The following VPS13B variants were observed in gnomAD, a reference collection of about 807,000 sequenced individuals.
VPS13B encodes vacuolar protein sorting 13 homolog B.
A neutral mutation model predicts 426.4 loss-of-function variants in VPS13B; 285 were observed. The observed-to-expected ratio is 0.67, with a 90% CI of 0.61 to 0.74. The LOEUF is 0.74. Among genes scored for constraint, VPS13B ranks in the 30% least tolerant of loss-of-function variants. The probability of loss-of-function intolerance (pLI) is 0.00; values close to 1 mark genes in which losing one functional copy is unlikely to be tolerated. For synonymous variants in VPS13B, 1,676 were observed against 1,676.4 expected (o/e 1.00, Z 0.01); for missense variants, 4,537 against 4,782.6 (o/e 0.95, Z 1.51).
chr8:99,627,395 A>G (rs1398525229), intron 33 of VPS13B, among the ~76,000 whole-genome samples: 1 of 152,096 alleles, frequency 6.6e-6, no homozygotes, highest in African/African-American at 2.4e-5. Flanking sequence ...TAATCATGCC[A>G]CATTTTATTT....
At chr8:99,739,765 A>T (rs1198387423) in intron 39 of VPS13B, among the ~76,000 whole-genome samples, 1 of 152,222 alleles carries the variant, frequency 6.6e-6, no homozygotes, top group Non-Finnish European at 1.5e-5. Flanking sequence ...GAGGGTCCTG[A>T]CTGTTAGAAG....
chr8:99,832,495 T>A lies in VPS13B; in HGVS notation c.9457T>A (p.Ser3153Thr). The change falls in exon 52 of 62, where the codon TCC becomes ACC. Residue 3153 changes from serine to threonine, a missense_variant. Physicochemically the swap from Ser to Thr is moderately conservative, Grantham distance 58 (BLOSUM62 1). Around this residue, in one of 2 missense-constraint regions of VPS13B, gnomAD observed 4,311 missense variants for 4,474.3 expected, o/e 0.96. Transcript: ENST00000357162. ...CATCAGTCAGTCAGTACTGGATGCA[T>A]CCCTGCTTCAGAAACAGATCATGCT... is the stretch of plus-strand genomic sequence containing the variant. ...PDISQSVLDA[S>T]LLQKQIMLGF... is the part of the protein sequence containing the mutation. 1 of 1,613,764 alleles carries A rather than the reference T, an allele frequency of 6.2e-7. No homozygotes were observed.
At chr8:99,562,151 T>TGGTA (rs1824957500) in intron 31 of VPS13B, among the ~76,000 whole-genome samples, 1 of 152,158 alleles carries the variant, frequency 6.6e-6, no homozygotes, top group South Asian at 2.1e-4. Context: ...GGGTGTGAGG[T>TGGTA]GGTACATCAT....
At chr8:99,136,622 C>A in intron 11 of VPS13B, 43 bp from the exon 12 acceptor site, 2 of 1,606,392 alleles carry the variant, frequency 1.2e-6, no homozygotes, top group South Asian at 1.1e-5. Flanking sequence ...TCAAAAGTTT[C>A]TTTTATACAA....
intron 19 of VPS13B, among the ~76,000 whole-genome samples, chr8:99,285,221 A>G (rs552820404): frequency 2.6e-5 from 4 of 152,246 alleles, no homozygotes; most frequent in Admixed American, 6.5e-5. Flanking sequence ...CCTGGACGCT[A>G]TGATGTTAGG....
chr8:99,393,010 A>G (rs1443868145), intron 21 of VPS13B, among the ~76,000 whole-genome samples: 1 of 152,088 alleles, frequency 6.6e-6, no homozygotes, highest in Non-Finnish European at 1.5e-5. Context: ...TTTATAATTG[A>G]GCTGTTAATT....
chr8:99,063,176 G>A (rs1844285926), intron 3 of VPS13B, among the ~76,000 whole-genome samples: 1 of 152,208 alleles, frequency 6.6e-6, no homozygotes. Context: ...GGTGATTTCT[G>A]CATTTCCAAC....
chr8:99,375,463 G>A (rs1813430428), intron 19 of VPS13B, among the ~76,000 whole-genome samples: 1 of 152,122 alleles, frequency 6.6e-6, no homozygotes, highest in African/African-American at 2.4e-5. Context: ...GAAGTAATGA[G>A]CTACCATACG....
chr8:99,111,357 TAAC>T (rs1471847753), intron 6 of VPS13B, 78 bp downstream of exon 6: 2 of 1,218,118 alleles, frequency 1.6e-6, no homozygotes, highest in East Asian at 2.4e-5. Context: ...TAATCATTAT[TAAC>T]AAATGAAGAA....
At position 99,818,498 on chromosome 8, in the gene VPS13B, G is replaced by C. The variant is rs1354079127; in HGVS notation, c.8409G>C (p.Leu2803Phe). Residue 2803 changes from leucine (L) to phenylalanine (F), a missense_variant, in exon 46 of 62, where the codon TTG becomes TTC. Transcript: ENST00000357162. ...TTATTTATGTCTGGTGCACAGTTTT[G>C]ACTTTAGAACCCAACTCTCAAGTGC... ...SSIIYVWCTVLTLEPNSQVQQ... is the reference protein window; with the variant it reads ...SSIIYVWCTVFTLEPNSQVQQ... The C allele has an allele frequency of 6.2e-7, 1 of 1,613,836 alleles. No individual in the cohort carries two copies. Among genetic ancestry groups the C allele is most frequent in the African/African-American group, 1.3e-5 (1 of 74,888 alleles).
At chr8:99,340,090 C>T (rs1811155736) in intron 19 of VPS13B, among the ~76,000 whole-genome samples, 1 of 152,126 alleles carries the variant, frequency 6.6e-6, no homozygotes, top group Non-Finnish European at 1.5e-5. Context: ...AGTATCTTGT[C>T]AGAGCACTTT....
At chr8:99,586,784 A>C (rs1216865600) in intron 33 of VPS13B, among the ~76,000 whole-genome samples, 1 of 152,146 alleles carries the variant, frequency 6.6e-6, no homozygotes, top group African/African-American at 2.4e-5. Flanking sequence ...ATTGAATGCT[A>C]TTCCCATTAA....
chr8:99,242,429 AT>A (rs1279457920), intron 17 of VPS13B, among the ~76,000 whole-genome samples: 1 of 152,148 alleles, frequency 6.6e-6, no homozygotes, highest in African/African-American at 2.4e-5. Flanking sequence ...GAATGGTTAT[AT>A]TTGTTTTTGT....
At chr8:99,533,479 A>G (rs1345272179) in intron 30 of VPS13B, among the ~76,000 whole-genome samples, 2 of 152,168 alleles carry the variant, frequency 1.3e-5, no homozygotes, top group East Asian at 1.9e-4. Flanking sequence ...CTGACTTTTC[A>G]TAGGGTTAAT....
chr8:99,640,026 A>G (rs1198355859), intron 33 of VPS13B, among the ~76,000 whole-genome samples: 2 of 112,168 alleles, frequency 1.8e-5, no homozygotes, highest in Non-Finnish European at 3.7e-5. Flanking sequence ...TAATAATAAT[A>G]AGAAGAAGAA....
chr8:99,380,739 A>G (rs978663319), intron 19 of VPS13B, among the ~76,000 whole-genome samples: 1 of 151,954 alleles, frequency 6.6e-6, no homozygotes. Flanking sequence ...TGTTATTAAT[A>G]GTAATTTTCC....
chr8:99,114,368 G>T (rs1030440686), intron 6 of VPS13B, among the ~76,000 whole-genome samples: 1 of 151,954 alleles, frequency 6.6e-6, no homozygotes, highest in African/African-American at 2.4e-5. Flanking sequence ...CACATTCACT[G>T]GTCATTTGTT....
chr8:99,857,497 C>T (rs1178784970), intron 56 of VPS13B, among the ~76,000 whole-genome samples: 2 of 152,208 alleles, frequency 1.3e-5, no homozygotes, highest in African/African-American at 2.4e-5. Context: ...GAATATTCCA[C>T]AGCCTCCCCA....
At chr8:99,866,538 C>T (rs1404300844) in intron 58 of VPS13B, among the ~76,000 whole-genome samples, 2 of 152,220 alleles carry the variant, frequency 1.3e-5, no homozygotes, top group African/African-American at 4.8e-5. Context: ...TGGGGGGCTG[C>T]CCAAATAGTC....
Sources: allele counts gnomAD v4.1 joint callset (sites outside exome capture counted in the v4.1 genomes callset), GRCh38; gene constraint gnomAD v4.1.1; regional missense constraint gnomAD v4.1.1; transcripts MANE v1.5; gene names NCBI Gene and HGNC (gene_info 2026-07-23, HGNC 2026-07-21).